Variants in ZMYM2 observed in about 807,000 individuals in gnomAD.
The protein encoded by ZMYM2 is zinc finger MYM-type protein 2.
In ZMYM2, 56 loss-of-function variants were observed where a neutral mutation model predicts 162.8. The ratio of observed to expected loss-of-function variants is 0.34; its 90% CI spans 0.28 to 0.43. The LOEUF is 0.43. ZMYM2 is among the 20% of genes least tolerant of loss of function. The pLI is 1.00. For missense variants in ZMYM2, 1,275 were observed against 1,621.8 expected (o/e 0.79, Z 3.67); for synonymous variants, 510 against 541.6 (o/e 0.94, Z 0.81).
At chr13:19,877,779 CT>C in the ZMYM2 span, among the ~76,000 whole-genome samples, 1 of 152,166 alleles carries the variant, frequency 6.6e-6, no homozygotes, top group Non-Finnish European at 1.5e-5. Flanking sequence ...CCACATCTTG[CT>C]TATCCACTTC....
chr13:19,941,346 A>G, the ZMYM2 span, among the ~76,000 whole-genome samples: 1 of 152,220 alleles, frequency 6.6e-6, no homozygotes, highest in Non-Finnish European at 1.5e-5. Context: ...AAAGCAAGAA[A>G]GAAAAGAAAA....
chr13:20,030,678 A>C (rs376349389), intron 9 of ZMYM2, among the ~76,000 whole-genome samples: 3 of 152,168 alleles, frequency 2.0e-5, no homozygotes, highest in Non-Finnish European at 2.9e-5. Context: ...GATTACAGGC[A>C]TGAGCCACCA....
chr13:20,036,601 G>A, intron 11 of ZMYM2, 136 bp from the exon 12 acceptor site: 1 of 560,096 alleles, frequency 1.8e-6, no homozygotes, highest in South Asian at 5.6e-5. Context: ...AATTTTTATA[G>A]GTTGATATTG....
At chr13:20,076,338 A>G (rs1957502532) in intron 21 of ZMYM2, among the ~76,000 whole-genome samples, 1 of 150,556 alleles carries the variant, frequency 6.6e-6, no homozygotes, top group African/African-American at 2.5e-5. Context: ...GCCCCACACA[A>G]ATCTTCTATA....
At chr13:19,932,084 T>A in the ZMYM2 span, among the ~76,000 whole-genome samples, 1 of 152,258 alleles carries the variant, frequency 6.6e-6, no homozygotes. Context: ...AATTCCTTAA[T>A]GGTTTAATAA....
At chr13:20,080,316 A>G (rs1254027703) in intron 21 of ZMYM2, among the ~76,000 whole-genome samples, 1 of 152,196 alleles carries the variant, frequency 6.6e-6, no homozygotes. Context: ...ACTAGTTTGA[A>G]TAACATTGGA....
intron 21 of ZMYM2, among the ~76,000 whole-genome samples, chr13:20,067,879 A>G (rs1042703584): frequency 3.3e-5 from 5 of 152,298 alleles, no homozygotes; most frequent in African/African-American, 1.2e-4. Flanking sequence ...GATTCCACAG[A>G]TTTGTGCCCA....
rs779663321 is a variant in ZMYM2, at chr13:20,061,213, C to T, written c.2900C>T (p.Thr967Ile). 42 of 1,613,420 alleles carry T rather than the reference C, an allele frequency of 2.6e-5. No individual in the cohort carries two copies. The highest frequency in any genetic ancestry group is 3.2e-5 in the Non-Finnish European group (38 of 1,179,760). Residue 967 changes from threonine to isoleucine, a missense_variant, in exon 17 of 25, where the codon ACC (threonine) becomes ATC (isoleucine). By Grantham distance (89) the Thr-to-Ile change is moderately conservative. Coordinates refer to ENST00000610343, the MANE Select transcript of ZMYM2 (RefSeq NM_197968.4). ...MSEDEGKTET[T>I]NINSVIIETD... is the part of the protein sequence containing the mutation. ...GAAGACGAGGGGAAAACAGAGACAA[C>T]CAACATCAACAGTGAGCTACACTAA...
intron 9 of ZMYM2, among the ~76,000 whole-genome samples, chr13:20,027,532 A>G (rs1336527527): frequency 6.6e-6 from 1 of 152,184 alleles, no homozygotes. Flanking sequence ...TTACTCTGAT[A>G]CAGATTTTGA....
At chr13:20,021,345 G>T (rs1952080105) in intron 7 of ZMYM2, among the ~76,000 whole-genome samples, 1 of 148,876 alleles carries the variant, frequency 6.7e-6, no homozygotes. Flanking sequence ...TCTTCTTCTG[G>T]GTAATGAGTC....
At chr13:20,044,989 G>T (rs865896810) in intron 12 of ZMYM2, among the ~76,000 whole-genome samples, 1 of 146,170 alleles carries the variant, frequency 6.8e-6, no homozygotes, top group African/African-American at 2.6e-5. Flanking sequence ...GGCGGAGGTT[G>T]CAGTGAGGTA....
chr13:19,913,662 C>A, the ZMYM2 span, among the ~76,000 whole-genome samples: 3 of 152,140 alleles, frequency 2.0e-5, no homozygotes, highest in Admixed American at 1.3e-4. Flanking sequence ...GAGGCGGAGG[C>A]TGCAGTAAGC....
the ZMYM2 span, among the ~76,000 whole-genome samples, chr13:19,888,455 C>T: frequency 6.6e-6 from 1 of 151,816 alleles, no homozygotes; most frequent in South Asian, 2.1e-4. Flanking sequence ...TCCCAAAGTG[C>T]TGGCAATACA....
At chr13:19,937,348 C>T in the ZMYM2 span, among the ~76,000 whole-genome samples, 1 of 151,694 alleles carries the variant, frequency 6.6e-6, no homozygotes, top group Non-Finnish European at 1.5e-5. Flanking sequence ...CCATGTTGGT[C>T]AGGCTGGTCT....
Position 20,009,012 on chromosome 13 carries a change from A to G in ZMYM2, c.1512+2426A>G, listed in dbSNP as rs749244634. 2.6e-4 allele frequency among the ~76,000 whole-genome samples: 40 copies of G among 152,300 alleles called. No individual in the cohort carries two copies. In the South Asian group the frequency reaches 4.1e-3, roughly 16 times the overall value. On this transcript the variant is annotated intron_variant, in intron 6 of 24. Transcript: ENST00000610343. ...CAGGTCTTCAAAAACCAGGGAAAAA[A>G]TACCCAATTGTTAATCAGGAAAAGA...
intron 21 of ZMYM2, 60 bp downstream of exon 21, chr13:20,067,450 T>A: frequency 6.8e-7 from 1 of 1,474,214 alleles, no homozygotes; most frequent in Admixed American, 2.1e-5. Flanking sequence ...GTGGTAGTTC[T>A]TGTTTCTGTA....
At chr13:20,031,991 G>A (rs905795083) in intron 10 of ZMYM2, among the ~76,000 whole-genome samples, 4 of 150,594 alleles carry the variant, frequency 2.7e-5, no homozygotes, top group South Asian at 2.1e-4. Flanking sequence ...CTGCCTCAGC[G>A]TCCCAAGTAG....
intron 6 of ZMYM2, among the ~76,000 whole-genome samples, chr13:20,015,482 T>C (rs1000691372): frequency 6.6e-6 from 1 of 152,230 alleles, no homozygotes; most frequent in Non-Finnish European, 1.5e-5. Context: ...CTAGTTTATA[T>C]TGTTGTTCAA....
At chr13:20,009,995 A>T (rs1951042357) in intron 6 of ZMYM2, among the ~76,000 whole-genome samples, 1 of 152,206 alleles carries the variant, frequency 6.6e-6, no homozygotes, top group Non-Finnish European at 1.5e-5. Context: ...ACTATTTTAC[A>T]CAACCGTACC....
Sources: gnomAD v4.1 joint callset for allele counts (sites outside exome capture counted in the v4.1 genomes callset) on GRCh38, gnomAD v4.1.1 for gene constraint, MANE v1.5 for transcripts, NCBI Gene and HGNC (gene_info 2026-07-23, HGNC 2026-07-21) for gene names.